HAP1: variants seen among roughly 807,000 people sequenced by gnomAD.
The protein encoded by HAP1 is huntingtin associated protein 1, also known as huntingtin-associated protein 1.
A neutral mutation model predicts 60.3 loss-of-function variants in HAP1; 59 were observed. The observed-to-expected ratio is 0.98, with a 90% CI of 0.79 to 1.22. The LOEUF is 1.22. Among genes scored for constraint, HAP1 ranks in the 50% most tolerant of loss-of-function variants. The pLI, the probability that HAP1 is intolerant of heterozygous loss-of-function variation, is 0.00. For missense variants in HAP1, 825 were observed against 785.3 expected (o/e 1.05, Z -0.60); for synonymous variants, 346 against 330.6 (o/e 1.05, Z -0.50).
Position 41,734,401 on chromosome 17 carries a change from T to C in HAP1, c.234A>G (p.Ala78=). 1.2e-6 allele frequency: 2 copies of C among 1,607,138 alleles called. No homozygotes were observed. Among genetic ancestry groups the C allele is most frequent in the South Asian group, 1.1e-5 (1 of 90,958 alleles). ...ARPASEAGAK[A]GARRPSAFSA... ...AGAATGCGGACGGGCGCCGGGCTCC[T>C]GCCTTGGCTCCAGCCTCCGAGGCCG... Residue 78 remains alanine, a synonymous_variant, in exon 1 of 11, where the codon GCA becomes GCG. Transcript: ENST00000347901.
intron 8 of HAP1, 159 bp from the exon 9 acceptor site, chr17:41,727,303 G>A: frequency 1.3e-6 from 1 of 780,768 alleles, no homozygotes; most frequent in Non-Finnish European, 2.4e-6. Flanking sequence ...CTCACCAGAG[G>A]CACGCTGTAT....
At position 41,727,162 on chromosome 17, in the gene HAP1, G is replaced by T; in HGVS notation, c.1276-18C>A. 7.3e-7 allele frequency: 1 copy of T among 1,373,568 alleles called. No individual in the cohort carries two copies. 85.1% of individuals were successfully genotyped at this position (1,373,568 alleles called of 1,614,324 possible). ...AGAGTCTCCTATGGTGGAGAGAACA[G>T]ACGTTACCAGAGGACCCCCACAGAA... On this transcript the variant is annotated intron_variant, in intron 8 of 10. Coordinates refer to ENST00000347901, the MANE Select transcript of HAP1 (RefSeq NM_177977.3).
chr17:41,734,074 A>C, intron 1 of HAP1, 92 bp downstream of exon 1: 1 of 1,009,360 alleles, frequency 9.9e-7, no homozygotes, highest in African/African-American at 1.6e-5. Context: ...TGAGTGCTAG[A>C]GGGGGCGGGG....
rs574811079 is a variant in HAP1, at chr17:41,734,437, G to C, written c.198C>G (p.Thr66=). ...SGSQFLSEAR[T]GARPASEAGA... is the part of the protein sequence containing the mutation. ...CAGCCTCCGAGGCCGGGCGAGCTCC[G>C]GTGCGGGCTTCCGAGAGGAACTGGG... Residue 66 remains threonine, a synonymous_variant, in exon 1 of 11, where the codon ACC becomes ACG. Coordinates refer to ENST00000347901, the MANE Select transcript of HAP1 (RefSeq NM_177977.3). 1,241 of 1,608,630 alleles carry C rather than the reference G, an allele frequency of 7.7e-4. 14 individuals carry two copies. In the South Asian group the frequency reaches 0.013, roughly 16 times the overall value.
In HAP1 at chr17:41,727,135, G is replaced by C; in HGVS notation, c.1285C>G (p.Pro429Ala). ...QMQLQEEETL[P>A]GFQETLAEEL... is the part of the protein sequence containing the mutation. ...TCAGCCAGCGTCTCCTGGAAACCAG[G>C]AAGAGTCTCCTATGGTGGAGAGAAC... Residue 429 changes from proline to alanine, a missense_variant, in exon 9 of 11, where the codon CCT becomes GCT. By Grantham distance (27) the Pro-to-Ala change is conservative (BLOSUM62 -1). Transcript: ENST00000347901. 6.3e-7 allele frequency: 1 copy of C among 1,574,854 alleles called. No individual in the cohort carries two copies. Among genetic ancestry groups the C allele is most frequent in the South Asian group, 1.1e-5 (1 of 89,936 alleles).
downstream of HAP1, among the ~76,000 whole-genome samples, chr17:41,718,575 G>A (rs1371227145): frequency 2.0e-5 from 3 of 152,222 alleles, no homozygotes; most frequent in East Asian, 5.8e-4. Flanking sequence ...GACTTCCAAG[G>A]GTGGCTAACT....
intron 7 of HAP1, 95 bp downstream of exon 7, chr17:41,728,106 G>T (rs1911827823): frequency 7.1e-7 from 1 of 1,413,726 alleles, no homozygotes; most frequent in East Asian, 2.3e-5. Flanking sequence ...CACAGAAAGG[G>T]ACCTCAGGCC....
At position 41,728,064 on chromosome 17, in the gene HAP1, G is replaced by A. The variant is rs1555589456; in HGVS notation, c.1200+137C>T. On this transcript the variant is annotated intron_variant, in intron 7 of 10. Coordinates refer to ENST00000347901, the MANE Select transcript of HAP1 (RefSeq NM_177977.3). ...TCTCCTCAAGATAACAAGGGGTCAA[G>A]ATAAGGGGCTCTCTGAGGTCTCTGA... 3.8e-6 allele frequency: 4 copies of A among 1,054,122 alleles called. No individual in the cohort carries two copies. The African/African-American group carries it at 4.7e-5, about 12-fold the overall frequency. 65.3% of individuals were successfully genotyped at this position (1,054,122 alleles called of 1,614,324 possible). A position where few individuals can be genotyped will look rare whatever the true frequency, so the allele number is the denominator to read the frequency against.
At chr17:41,718,772 ACAG>A (rs1210047193), downstream of HAP1, among the ~76,000 whole-genome samples, 1 of 152,192 alleles carries the variant, frequency 6.6e-6, no homozygotes, top group Non-Finnish European at 1.5e-5. Flanking sequence ...TCCTCCCACC[ACAG>A]CAGCAGATGT....
intron 6 of HAP1, among the ~76,000 whole-genome samples, chr17:41,729,457 G>C (rs1408007247): frequency 7.0e-6 from 1 of 143,316 alleles, no homozygotes; most frequent in East Asian, 2.1e-4. Context: ...GGCTGAGGCA[G>C]GAGAATCGCT....
At position 41,732,015 on chromosome 17, in the gene HAP1, T is replaced by C. The variant is rs1555591177; in HGVS notation, c.818A>G (p.Lys273Arg). Residue 273 changes from lysine (K) to arginine (R), a missense_variant, in exon 4 of 11, where the codon AAG (lysine) becomes AGG (arginine). By Grantham distance (26) the Lys-to-Arg change is conservative. Coordinates refer to ENST00000347901, the MANE Select transcript of HAP1 (RefSeq NM_177977.3). Reference protein sequence around the residue: ...DEDEEEEEEEKEAEEEQEEEE... With the variant: ...DEDEEEEEEEREAEEEQEEEE... ...TTCTTCCTGTTCCTCTTCTGCCTCC[T>C]TTTCTTCCTCCTCCTCTTCTTCATC... 2 of 1,477,232 alleles carry C rather than the reference T, an allele frequency of 1.4e-6. No individual in the cohort carries two copies. Among genetic ancestry groups the C allele is most frequent in the Non-Finnish European group, 9.5e-7 (1 of 1,056,178 alleles). The allele number at this position is 1,477,232 out of a possible 1,614,324, so 91.5% of individuals were successfully genotyped here.
chr17:41,727,281 CA>C, intron 8 of HAP1, 137 bp from the exon 9 acceptor site: 1 of 781,238 alleles, frequency 1.3e-6, no homozygotes, highest in Non-Finnish European at 2.4e-6. Context: ...AGTGGGCAGC[CA>C]GGGGAGGGTC....
At position 41,724,645 on chromosome 17, in the gene HAP1, A is replaced by G; in HGVS notation, c.*56T>C. On this transcript the variant is annotated 3_prime_UTR_variant, in exon 11 of 11. Coordinates refer to ENST00000347901, the MANE Select transcript of HAP1 (RefSeq NM_177977.3). ...CAAAGTCCATGCAAATAAGCACAGCAGGTAGAGCCAGGCTGGGGCAGGTGA... is the reference window on the plus strand; with the variant it reads ...CAAAGTCCATGCAAATAAGCACAGCGGGTAGAGCCAGGCTGGGGCAGGTGA... 1 of 1,270,352 alleles carries G rather than the reference A, an allele frequency of 7.9e-7. No individual in the cohort carries two copies. Among genetic ancestry groups the G allele is most frequent in the South Asian group, 1.3e-5 (1 of 75,870 alleles). 78.7% of individuals were successfully genotyped at this position (1,270,352 alleles called of 1,614,324 possible).
chr17:41,727,418 C>T lies in HAP1; in HGVS notation c.1276-274G>A, dbSNP rs782365494. 154 of 779,278 alleles carry T rather than the reference C, an allele frequency of 2.0e-4. 2 individuals are homozygous for T. The South Asian group carries it at 2.0e-3, about 10-fold the overall frequency. 48.3% of individuals were successfully genotyped at this position (779,278 alleles called of 1,614,324 possible). On this transcript the variant is annotated intron_variant, in intron 8 of 10. Transcript: ENST00000347901. The stretch of plus-strand genomic sequence containing the variant: ...TGCCCCCACAATCCATGTACTTCTC[C>T]CGCAGGTCCTGCAGCTGGGAACCCA...
At chr17:41,727,352 C>G in intron 8 of HAP1, 1 of 780,820 alleles carries the variant, frequency 1.3e-6, no homozygotes, top group Non-Finnish European at 2.4e-6. Context: ...CTGGGGGTTG[C>G]TGGCGGAGGG....
At position 41,733,354 on chromosome 17, in the gene HAP1, T is replaced by TTG. The variant is rs1441972687; in HGVS notation, c.470-557_470-556insCA. Among the ~76,000 whole-genome samples the TTG allele has an allele frequency of 3.5e-4, 34 of 96,938 alleles. No individual in the cohort carries two copies. The South Asian group carries it at 9.2e-3, about 26-fold the overall frequency. The allele number at this position is 96,938 out of a possible 152,430, so 63.6% of individuals were successfully genotyped here. ...CAGGCGTCAGCCACCGCGCCCGGCT[T>TTG]TTTTTTTTTTTTTTTTTTTTTTACC... On this transcript the variant is annotated intron_variant, in intron 1 of 10. Transcript: ENST00000347901.
chr17:41,727,000 C>T (rs1187336294), intron 9 of HAP1, 53 bp downstream of exon 9: 4 of 899,908 alleles, frequency 4.4e-6, no homozygotes, highest in Admixed American at 2.1e-5. Flanking sequence ...ACCCCCTCCC[C>T]ACTACAGGAA....
At position 41,722,899 on chromosome 17, in the gene HAP1, A is replaced by AGAGG. The variant is rs1438687321; in HGVS notation, c.*1798_*1801dup. 6.6e-6 allele frequency: 1 copy of AGAGG among 152,550 alleles called. No individual in the cohort carries two copies. The highest frequency in any genetic ancestry group is 1.5e-5 in the Non-Finnish European group (1 of 68,296). 9.4% of individuals were successfully genotyped at this position (152,550 alleles called of 1,614,324 possible). On this transcript the variant is annotated 3_prime_UTR_variant, in exon 11 of 11. Coordinates refer to ENST00000347901, the MANE Select transcript of HAP1 (RefSeq NM_177977.3). ...TGGACACCCCCAGGCCACTGGCAGA[A>AGAGG]GAGGGAGGGAGGGAGAGGAGACACA... is the stretch of plus-strand genomic sequence containing the variant.
At chr17:41,727,910 C>A in intron 7 of HAP1, 74 bp from the exon 8 acceptor site, 1 of 925,636 alleles carries the variant, frequency 1.1e-6, no homozygotes, top group Admixed American at 1.9e-5. Flanking sequence ...TCCAGCAAGT[C>A]TTCCCAGGCA....
Sources: allele counts gnomAD v4.1 joint callset (sites outside exome capture counted in the v4.1 genomes callset), GRCh38; gene constraint gnomAD v4.1.1; transcripts MANE v1.5; gene names NCBI Gene and HGNC (gene_info 2026-07-23, HGNC 2026-07-21).